The following MDGA2 variants were observed in gnomAD, a reference collection of about 807,000 sequenced individuals.
MDGA2 encodes MAM domain containing glycosylphosphatidylinositol anchor 2.
In MDGA2, 40 loss-of-function variants were observed where a neutral mutation model predicts 117.8. The observed-to-expected ratio is 0.34, with a 90% CI of 0.26 to 0.44. The LOEUF is 0.44. Ranked by LOEUF, MDGA2 falls within the 20% of genes least tolerant of loss-of-function variation. MDGA2 has a pLI of 1.00. For synonymous variants in MDGA2, 452 were observed against 439.0 expected (o/e 1.03, Z -0.37); for missense variants, 1,123 against 1,250.6 (o/e 0.90, Z 1.54).
chr14:47,058,825 A>C (rs544042782), intron 7 of MDGA2: 12 of 985,618 alleles, frequency 1.2e-5, no homozygotes, highest in Non-Finnish European at 1.4e-5. Context: ...ATCACAATAA[A>C]ATCTCCTAGG....
chr14:47,222,708 C>A (rs1288008739), intron 2 of MDGA2, among the ~76,000 whole-genome samples: 2 of 152,130 alleles, frequency 1.3e-5, no homozygotes, highest in South Asian at 2.1e-4. Context: ...AGTAAACCTT[C>A]ACTAATCAAA....
chr14:47,601,740 T>C (rs915931951), intron 1 of MDGA2, among the ~76,000 whole-genome samples: 4 of 152,140 alleles, frequency 2.6e-5, no homozygotes, highest in Non-Finnish European at 5.9e-5. Context: ...TGAGACAAGG[T>C]CAAAGGGTCA....
At chr14:47,323,148 G>C (rs1274884673) in intron 1 of MDGA2, among the ~76,000 whole-genome samples, 1 of 47,406 alleles carries the variant, frequency 2.1e-5, no homozygotes, top group African/African-American at 9.6e-5. Context: ...AAAGAGTCAT[G>C]GATATATATA....
chr14:47,638,267 G>A (rs577408553), intron 1 of MDGA2, among the ~76,000 whole-genome samples: 1 of 152,282 alleles, frequency 6.6e-6, no homozygotes, highest in African/African-American at 2.4e-5. Context: ...AATTTGAGCA[G>A]TAGGAGTAAC....
At chr14:47,493,240 T>C (rs886942413) in intron 1 of MDGA2, among the ~76,000 whole-genome samples, 1 of 150,566 alleles carries the variant, frequency 6.6e-6, no homozygotes, top group African/African-American at 2.4e-5. Flanking sequence ...TACAATATTA[T>C]TAACTAAAAA....
At chr14:47,617,789 T>C (rs1346025460) in intron 1 of MDGA2, among the ~76,000 whole-genome samples, 1 of 152,172 alleles carries the variant, frequency 6.6e-6, no homozygotes, top group East Asian at 1.9e-4. Context: ...CTAAATAGTA[T>C]ACGTAGACCA....
intron 1 of MDGA2, among the ~76,000 whole-genome samples, chr14:47,369,681 T>C (rs1396370734): frequency 6.6e-6 from 1 of 152,166 alleles, no homozygotes; most frequent in Non-Finnish European, 1.5e-5. Flanking sequence ...AAATAAAATA[T>C]GATTTTTTCC....
intron 8 of MDGA2, among the ~76,000 whole-genome samples, chr14:46,991,950 G>C (rs1414606096): frequency 6.6e-6 from 1 of 152,056 alleles, no homozygotes; most frequent in Non-Finnish European, 1.5e-5. Context: ...TTGATTATAG[G>C]TTAGCATTTT....
At chr14:46,867,207 C>G (rs1881804941) in intron 14 of MDGA2, among the ~76,000 whole-genome samples, 1 of 152,132 alleles carries the variant, frequency 6.6e-6, no homozygotes, top group Admixed American at 6.6e-5. Context: ...GAATACTATG[C>G]AGCCATAAAA....
chr14:47,247,382 G>A (rs964357056), intron 2 of MDGA2, among the ~76,000 whole-genome samples: 7 of 149,032 alleles, frequency 4.7e-5, no homozygotes, highest in Non-Finnish European at 1.0e-4. Context: ...TCAGCTCACT[G>A]TAACCTCTGC....
chr14:46,997,943 A>G (rs1247710380), intron 8 of MDGA2, among the ~76,000 whole-genome samples: 3 of 152,182 alleles, frequency 2.0e-5, no homozygotes, highest in African/African-American at 7.2e-5. Context: ...AAACTTCTGT[A>G]GACACTTTAA....
At chr14:47,156,249 G>A (rs1566655039) in intron 3 of MDGA2, among the ~76,000 whole-genome samples, 1 of 151,734 alleles carries the variant, frequency 6.6e-6, no homozygotes, top group East Asian at 1.9e-4. Context: ...TTTTCAGAAG[G>A]TTTTCATTTA....
chr14:47,413,222 G>A (rs146863458), intron 1 of MDGA2, among the ~76,000 whole-genome samples: 136 of 152,252 alleles, frequency 8.9e-4, no homozygotes, highest in African/African-American at 3.0e-3. Context: ...GTAAACATTA[G>A]ACATCAAGGA....
chr14:47,058,798 T>C (rs1889773886), intron 7 of MDGA2: 3 of 985,496 alleles, frequency 3.0e-6, no homozygotes, highest in Non-Finnish European at 3.6e-6. Context: ...TTAGGCATCA[T>C]CTTCTGTAGG....
At chr14:46,849,037 A>G (rs148226635) in intron 15 of MDGA2, among the ~76,000 whole-genome samples, 1 of 152,170 alleles carries the variant, frequency 6.6e-6, no homozygotes, top group African/African-American at 2.4e-5. Context: ...GTCATTGATA[A>G]AGCAAGGTAA....
chr14:47,443,680 A>C (rs1048985859), intron 1 of MDGA2, among the ~76,000 whole-genome samples: 5 of 152,192 alleles, frequency 3.3e-5, no homozygotes, highest in African/African-American at 1.2e-4. Flanking sequence ...AAATTCCTGT[A>C]ATATTTCAAA....
chr14:47,268,623 T>C (rs1198990545), intron 2 of MDGA2, among the ~76,000 whole-genome samples: 2 of 152,186 alleles, frequency 1.3e-5, no homozygotes, highest in Admixed American at 6.5e-5. Context: ...TGAAGTGTTT[T>C]ACTGTCATAT....
intron 1 of MDGA2, among the ~76,000 whole-genome samples, chr14:47,302,903 C>T (rs79594826): frequency 0.029 from 4,389 of 152,180 alleles, 151 homozygotes; most frequent in East Asian, 0.18. Context: ...AATAAAACAA[C>T]TGGTTATGTC....
intron 1 of MDGA2, among the ~76,000 whole-genome samples, chr14:47,467,451 C>T (rs545079112): frequency 6.6e-6 from 1 of 152,224 alleles, no homozygotes; most frequent in Admixed American, 6.5e-5. Context: ...GGGAAGGAGA[C>T]TGTCACCTTT....
Sources: gnomAD v4.1 joint callset for allele counts (sites outside exome capture counted in the v4.1 genomes callset) on GRCh38, gnomAD v4.1.1 for gene constraint, MANE v1.5 for transcripts, NCBI Gene and HGNC (gene_info 2026-07-23, HGNC 2026-07-21) for gene names.